PTPN5: variants seen among roughly 807,000 people sequenced by gnomAD.
PTPN5 encodes the protein tyrosine-protein phosphatase non-receptor type 5.
PTPN5 carries 29 observed loss-of-function variants against 73.9 expected under a neutral mutation model. That is an observed-to-expected ratio of 0.39 (90% confidence interval 0.29 to 0.54). The LOEUF is 0.54. PTPN5 is among the 20% of genes least tolerant of loss of function. The probability of loss-of-function intolerance (pLI) is 0.65; values close to 1 mark genes in which losing one functional copy is unlikely to be tolerated. For synonymous variants in PTPN5, 267 were observed against 304.7 expected (o/e 0.88, Z 1.29); for missense variants, 652 against 751.4 (o/e 0.87, Z 1.55).
intron 3 of PTPN5, among the ~76,000 whole-genome samples, chr11:18,747,304 C>T (rs1849686981): frequency 6.6e-6 from 1 of 152,114 alleles, no homozygotes; most frequent in Non-Finnish European, 1.5e-5. Context: ...GCACAAGCCA[C>T]TGCGCCTGGC....
At chr11:18,735,768 C>CAAA (rs59859973) in intron 9 of PTPN5, among the ~76,000 whole-genome samples, 6 of 148,370 alleles carry the variant, frequency 4.0e-5, no homozygotes, top group African/African-American at 1.0e-4. Flanking sequence ...CTGTCTCCCC[C>CAAA]AAAAAAAAAA....
intron 3 of PTPN5, among the ~76,000 whole-genome samples, chr11:18,756,920 T>TAAAAAAAAAAAAAA (rs1564910476): frequency 3.6e-5 from 4 of 110,140 alleles, no homozygotes; most frequent in Admixed American, 8.1e-5. Flanking sequence ...CAAGACTCCA[T>TAAAAAAAAAAAAAA]CAAAAAAAAA....
rs1477220644 is a variant in PTPN5, at chr11:18,742,916, G to A, written c.483+76C>T. ...CCCAGAATGTCCAGCCTATAAGTCA[G>A]ATGGGAGCTGGTAGAAATCCAGGCC... is the stretch of plus-strand genomic sequence containing the variant. On this transcript the variant is annotated intron_variant, in intron 6 of 14. Coordinates refer to ENST00000358540, the MANE Select transcript of PTPN5 (RefSeq NM_006906.2). The surrounding 1 kb of genome is among the most constrained non-coding windows in gnomAD (Gnocchi z 4.1). The A allele has an allele frequency of 5.0e-6, 5 of 996,156 alleles. No individual in the cohort carries two copies. The highest frequency in any genetic ancestry group is 7.8e-6 in the Non-Finnish European group (5 of 643,522). 61.7% of individuals were successfully genotyped at this position (996,156 alleles called of 1,614,324 possible). A position where few individuals can be genotyped will look rare whatever the true frequency, so the allele number is the denominator to read the frequency against.
At chr11:18,743,126 C>T (rs1006800841) in intron 5 of PTPN5, 51 bp from the exon 6 acceptor site, 1 of 1,353,870 alleles carries the variant, frequency 7.4e-7, no homozygotes, top group Non-Finnish European at 1.0e-6. Context: ...GCAGAGTTCT[C>T]AGCTCTTGCA....
chr11:18,744,833 T>A (rs1457100514), intron 3 of PTPN5, among the ~76,000 whole-genome samples: 2 of 152,014 alleles, frequency 1.3e-5, no homozygotes, highest in African/African-American at 4.8e-5. Context: ...CTCCGGAGAG[T>A]CACTCCCTCT....
chr11:18,791,814 G>A (rs1197140402), upstream of PTPN5: 1 of 152,062 alleles, frequency 6.6e-6, no homozygotes, highest in Non-Finnish European at 1.5e-5. Context: ...CGCAGCCGCC[G>A]GGTGGGTTTG....
At chr11:18,788,341 C>G (rs538218742) in intron 1 of PTPN5, among the ~76,000 whole-genome samples, 18 of 152,110 alleles carry the variant, frequency 1.2e-4, no homozygotes, top group African/African-American at 3.9e-4. Context: ...GTTTCTCCCC[C>G]ACTCAAAAAC....
intron 1 of PTPN5, among the ~76,000 whole-genome samples, chr11:18,774,570 T>A (rs2134330327): frequency 6.6e-6 from 1 of 152,240 alleles, no homozygotes; most frequent in South Asian, 2.1e-4. Flanking sequence ...ATTCCTAGAT[T>A]GGGTGGGATG....
intron 3 of PTPN5, among the ~76,000 whole-genome samples, chr11:18,748,823 GA>G (rs1262750394): frequency 6.6e-6 from 1 of 152,172 alleles, no homozygotes; most frequent in Admixed American, 6.5e-5. Context: ...ATGCAATTCA[GA>G]AAAGTATTTA....
At chr11:18,788,629 AC>A (rs1851777152) in intron 1 of PTPN5, among the ~76,000 whole-genome samples, 1 of 152,206 alleles carries the variant, frequency 6.6e-6, no homozygotes, top group Non-Finnish European at 1.5e-5. Context: ...GCCGTTACTG[AC>A]CTGTGAGGAG....
Position 18,742,362 on chromosome 11 carries a change from C to G in PTPN5, c.625G>C (p.Asp209His). The G allele has an allele frequency of 1.2e-6, 2 of 1,614,120 alleles. No homozygotes were observed. Among genetic ancestry groups the G allele is most frequent in the Non-Finnish European group, 1.7e-6 (2 of 1,180,030 alleles). Residue 209 changes from aspartate to histidine, a missense_variant, in exon 7 of 15, where the codon GAC becomes CAC. This residue lies in a region of PTPN5 where 529 missense variants were observed against 573.9 expected (regional missense o/e 0.92). Coordinates refer to ENST00000358540, the MANE Select transcript of PTPN5 (RefSeq NM_006906.2). This position sits in a 1 kb window ranked among gnomAD's most constrained non-coding sequence, Gnocchi z 4.1. The stretch of plus-strand genomic sequence containing the variant: ...AACACAGGAGTCTCGGGCACCGGGT[C>G]GAGGTCCAGGAAGTCATCCTCGATC... ...EKIEDDFLDLDPVPETPVFDC... is the reference protein window; with the variant it reads ...EKIEDDFLDLHPVPETPVFDC...
chr11:18,752,093 T>G (rs1382698023), intron 3 of PTPN5, among the ~76,000 whole-genome samples: 1 of 151,946 alleles, frequency 6.6e-6, no homozygotes, highest in East Asian at 1.9e-4. Context: ...TAGTCAGGTG[T>G]GGTGGTGTGC....
chr11:18,729,529 T>C lies in PTPN5; in HGVS notation c.1528A>G (p.Ser510Gly), dbSNP rs1848777760. Residue 510 changes from serine (S) to glycine (G), a missense_variant, in exon 14 of 15, where the codon AGC becomes GGC. Transcript: ENST00000358540. This position sits in a 1 kb window ranked among gnomAD's most constrained non-coding sequence, Gnocchi z 5.2. ...IGRTGCFIAT[S>G]ICCQQLRQEG... is the part of the protein sequence containing the mutation. ...TGCCGCAGCTGCTGGCAGCAGATGC[T>C]GGTGGCAATGAAGCAGCCGGTCCTC... is the stretch of plus-strand genomic sequence containing the variant. The C allele has an allele frequency of 1.2e-6, 2 of 1,601,012 alleles. No homozygotes were observed.
chr11:18,766,912 C>A (rs138522462), intron 2 of PTPN5, among the ~76,000 whole-genome samples: 50 of 152,320 alleles, frequency 3.3e-4, no homozygotes, highest in African/African-American at 1.2e-3. Flanking sequence ...TTTGCTGGTG[C>A]TGAATCATGG....
At chr11:18,765,932 G>A in intron 2 of PTPN5, 49 bp from the exon 3 acceptor site, 1 of 1,360,642 alleles carries the variant, frequency 7.3e-7, no homozygotes, top group Non-Finnish European at 1.0e-6. Context: ...CCAGGATCAA[G>A]ACAAAAACCC....
chr11:18,728,756 A>C lies in PTPN5; in HGVS notation c.*178T>G, dbSNP rs2134178772. On this transcript the variant is annotated 3_prime_UTR_variant, in exon 15 of 15. Coordinates refer to ENST00000358540, the MANE Select transcript of PTPN5 (RefSeq NM_006906.2). This position sits in a 1 kb window ranked among gnomAD's most constrained non-coding sequence, Gnocchi z 4.1. ...CCGACCCTGCCCCCCACTCCCCAATATGTACAGTAGGAAGAGCAATGCTGG... is the reference window on the plus strand; with the variant it reads ...CCGACCCTGCCCCCCACTCCCCAATCTGTACAGTAGGAAGAGCAATGCTGG... 82 of 524,330 alleles carry C rather than the reference A, an allele frequency of 1.6e-4. No homozygotes were observed. The highest frequency in any genetic ancestry group is 2.1e-4 in the Non-Finnish European group (66 of 307,386). The allele number at this position is 524,330 out of a possible 1,614,324, so 32.5% of individuals were successfully genotyped here.
chr11:18,743,331 C>T lies in PTPN5; in HGVS notation c.390G>A (p.Leu130=). The change falls in exon 5 of 15, where the codon CTG becomes CTA. Residue 130 remains leucine (L), a synonymous_variant. Transcript: ENST00000358540. ...VSSLLTLLKQ[L]EPTAWLDSGT... is the part of the protein sequence containing the mutation. The stretch of plus-strand genomic sequence containing the variant: ...CCCAAAGCTTACTTACCGTGGGTTC[C>T]AGCTGTTTCAGGAGCGTCAGCAAAG... 1 of 1,614,128 alleles carries T rather than the reference C, an allele frequency of 6.2e-7. No homozygotes were observed. The highest frequency in any genetic ancestry group is 1.1e-5 in the South Asian group (1 of 91,080).
chr11:18,737,313 T>C (rs1213075870), intron 9 of PTPN5, among the ~76,000 whole-genome samples: 1 of 152,148 alleles, frequency 6.6e-6, no homozygotes, highest in East Asian at 1.9e-4. Flanking sequence ...TCGTGCCGCC[T>C]CACTTGAATA....
chr11:18,735,493 G>A (rs568090531), intron 9 of PTPN5, among the ~76,000 whole-genome samples: 4 of 152,224 alleles, frequency 2.6e-5, no homozygotes, highest in Admixed American at 6.5e-5. Flanking sequence ...GGAACCAGGC[G>A]ACAAAGGGTC....
Sources: gnomAD v4.1 joint callset for allele counts (sites outside exome capture counted in the v4.1 genomes callset) on GRCh38, gnomAD v4.1.1 for gene constraint, gnomAD v4.1.1 regional missense constraint, Gnocchi (gnomAD v3.1) non-coding constraint, MANE v1.5 for transcripts, NCBI Gene and HGNC (gene_info 2026-07-23, HGNC 2026-07-21) for gene names.